Variants in SLC10A7 observed in about 807,000 individuals in gnomAD.
SLC10A7 encodes the protein sodium/bile acid cotransporter 7.
Under a neutral mutation model 43.2 loss-of-function variants are expected in SLC10A7, and 29 were observed. The ratio of observed to expected loss-of-function variants is 0.67; its 90% CI spans 0.50 to 0.92. SLC10A7 has a LOEUF of 0.92. Among genes scored for constraint, SLC10A7 ranks in the 40% least tolerant of loss-of-function variants. The pLI is 0.00. For synonymous variants in SLC10A7, 152 were observed against 144.8 expected (o/e 1.05, Z -0.35); for missense variants, 295 against 403.2 (o/e 0.73, Z 2.30).
intron 5 of SLC10A7, among the ~76,000 whole-genome samples, chr4:146,411,744 T>C (rs1228338383): frequency 6.6e-6 from 1 of 152,124 alleles, no homozygotes; most frequent in Non-Finnish European, 1.5e-5. Flanking sequence ...AAAATAATTT[T>C]TAGTTTCTCT....
intron 5 of SLC10A7, among the ~76,000 whole-genome samples, chr4:146,387,500 G>A (rs1738098398): frequency 6.6e-6 from 1 of 152,112 alleles, no homozygotes; most frequent in Non-Finnish European, 1.5e-5. Context: ...GGGAAAAGTT[G>A]AAAGCATTCC....
At chr4:146,283,371 T>G in intron 9 of SLC10A7, 106 bp from the exon 10 acceptor site, 23 of 816,948 alleles carry the variant, frequency 2.8e-5, no homozygotes, top group Non-Finnish European at 4.3e-5. Flanking sequence ...CTTTGATCAA[T>G]CCTGGTGACA....
At chr4:146,339,813 T>C (rs1734130519) in intron 5 of SLC10A7, among the ~76,000 whole-genome samples, 1 of 151,808 alleles carries the variant, frequency 6.6e-6, no homozygotes, top group African/African-American at 2.4e-5. Flanking sequence ...TTGTCGTTTT[T>C]TTTTTTTTAA....
At chr4:146,490,403 A>G (rs890806869) in intron 4 of SLC10A7, among the ~76,000 whole-genome samples, 21 of 51,974 alleles carry the variant, frequency 4.0e-4, no homozygotes, top group Non-Finnish European at 3.2e-5. Flanking sequence ...ACAAAAGTCC[A>G]AAGCATTTTT....
chr4:146,336,463 T>G (rs1028719430), intron 5 of SLC10A7, among the ~76,000 whole-genome samples: 1 of 152,068 alleles, frequency 6.6e-6, no homozygotes, highest in Non-Finnish European at 1.5e-5. Flanking sequence ...GTTAATAGTG[T>G]GTACAATCCA....
chr4:146,318,954 T>C (rs1012066491), intron 6 of SLC10A7, among the ~76,000 whole-genome samples: 7 of 152,080 alleles, frequency 4.6e-5, no homozygotes, highest in Non-Finnish European at 7.4e-5. Context: ...TGGTCCAAGC[T>C]AACAGGATCA....
chr4:146,442,666 T>C, intron 5 of SLC10A7, 117 bp downstream of exon 5: 1 of 1,515,556 alleles, frequency 6.6e-7, no homozygotes. Flanking sequence ...CATGAAAAGA[T>C]TCAACAATTT....
At chr4:146,422,080 T>C (rs1004842818) in intron 5 of SLC10A7, among the ~76,000 whole-genome samples, 6 of 152,184 alleles carry the variant, frequency 3.9e-5, no homozygotes, top group Non-Finnish European at 5.9e-5. Context: ...ATGATATATG[T>C]ACAACATGAA....
intron 10 of SLC10A7, among the ~76,000 whole-genome samples, chr4:146,272,976 G>T (rs1451506486): frequency 6.6e-6 from 1 of 152,088 alleles, no homozygotes; most frequent in Non-Finnish European, 1.5e-5. Flanking sequence ...CATTACTTTG[G>T]AATTCCCCTT....
chr4:146,307,214 A>G (rs1413264461), intron 6 of SLC10A7, among the ~76,000 whole-genome samples: 3 of 151,582 alleles, frequency 2.0e-5, no homozygotes, highest in Non-Finnish European at 4.4e-5. Flanking sequence ...AAATGCCAAG[A>G]ATATATATCT....
At chr4:146,407,922 C>T (rs917221633) in intron 5 of SLC10A7, among the ~76,000 whole-genome samples, 7 of 152,110 alleles carry the variant, frequency 4.6e-5, no homozygotes, top group Admixed American at 1.3e-4. Context: ...TCAGGATGTA[C>T]AACAAATGTT....
chr4:146,263,473 T>G (rs1728361486), intron 10 of SLC10A7, among the ~76,000 whole-genome samples: 1 of 152,212 alleles, frequency 6.6e-6, no homozygotes, highest in South Asian at 2.1e-4. Flanking sequence ...TTACTACATT[T>G]GTTAATTAGA....
intron 4 of SLC10A7, among the ~76,000 whole-genome samples, chr4:146,454,994 A>G (rs1731928275): frequency 6.6e-6 from 1 of 151,830 alleles, no homozygotes; most frequent in African/African-American, 2.4e-5. Context: ...ATACTATTTG[A>G]TATTATATCT....
chr4:146,258,758 TG>T lies in SLC10A7; in HGVS notation c.926del (p.Pro309GlnfsTer25). On this transcript the variant is annotated frameshift_variant, in exon 11 of 12. Coordinates refer to ENST00000335472, the MANE Select transcript of SLC10A7 (RefSeq NM_001029998.6). LOFTEE classifies it high-confidence loss of function. ...ACACACTTCCCAGAAGGATCTGAGC[TG>T]GGTGGTAGATGAGCAAGGGTACAGA... The part of the protein sequence containing the change: ...LISVPLLIYH[P>X]AQILLGSVLV... The T allele has an allele frequency of 6.2e-7, 1 of 1,611,558 alleles. No homozygotes were observed. The highest frequency in any genetic ancestry group is 8.5e-7 in the Non-Finnish European group (1 of 1,179,516).
chr4:146,433,589 G>C (rs1270190700), intron 5 of SLC10A7, among the ~76,000 whole-genome samples: 8 of 152,148 alleles, frequency 5.3e-5, no homozygotes, highest in Admixed American at 5.2e-4. Context: ...TTGAGGGCTG[G>C]TTGTGGAGGT....
At chr4:146,450,706 G>A (rs1178750386) in intron 4 of SLC10A7, among the ~76,000 whole-genome samples, 1 of 152,140 alleles carries the variant, frequency 6.6e-6, no homozygotes, top group Non-Finnish European at 1.5e-5. Context: ...TGTATCAAAG[G>A]TGGGTGTAAG....
intron 4 of SLC10A7, among the ~76,000 whole-genome samples, chr4:146,478,585 A>G (rs915047467): frequency 6.6e-5 from 10 of 152,220 alleles, no homozygotes; most frequent in Admixed American, 1.3e-4. Context: ...GGGTTGGGTG[A>G]TGACTGATAA....
intron 9 of SLC10A7, among the ~76,000 whole-genome samples, chr4:146,287,943 G>A (rs1730141861): frequency 1.3e-5 from 2 of 152,194 alleles, no homozygotes; most frequent in South Asian, 4.1e-4. Context: ...AGGAGGCTCT[G>A]AATTAATCTG....
intron 3 of SLC10A7, among the ~76,000 whole-genome samples, chr4:146,505,191 T>C (rs1185326416): frequency 6.6e-6 from 1 of 152,202 alleles, no homozygotes; most frequent in Non-Finnish European, 1.5e-5. Flanking sequence ...CTGCTTCTGC[T>C]ATGCCTGAGA....
Sources: allele counts gnomAD v4.1 joint callset (sites outside exome capture counted in the v4.1 genomes callset), GRCh38; gene constraint gnomAD v4.1.1; transcripts MANE v1.5; gene names NCBI Gene and HGNC (gene_info 2026-07-23, HGNC 2026-07-21).